PLEKHM1: variants seen among roughly 807,000 people sequenced by gnomAD.
PLEKHM1 encodes the protein pleckstrin homology and RUN domain containing M1, also known as pleckstrin homology domain-containing family M member 1.
PLEKHM1 carries 28 observed loss-of-function variants against 94.3 expected under a neutral mutation model. The ratio of observed to expected loss-of-function variants is 0.30; its 90% CI spans 0.22 to 0.41. The LOEUF (loss-of-function observed/expected upper bound fraction) is 0.41, where lower values mean the gene tolerates loss of function less well. PLEKHM1 is among the 10% of genes least tolerant of loss of function. PLEKHM1 has a pLI of 1.00. For synonymous variants in PLEKHM1, 424 were observed against 581.2 expected (o/e 0.73, Z 3.89); for missense variants, 907 against 1,358.6 (o/e 0.67, Z 5.22).
At position 45,453,750 on chromosome 17, in the gene PLEKHM1, T is replaced by A. The variant is rs372997534; in HGVS notation, c.2102A>T (p.Tyr701Phe). 3 of 1,613,820 alleles carry A rather than the reference T, an allele frequency of 1.9e-6. No individual in the cohort carries two copies. The African/African-American group carries it at 4.0e-5, about 22-fold the overall frequency. ...AGCCTCCAAGGACAGAGAAAATATA[T>A]AGGGCATCCAGGTCCTGTCCATGTA... ...YLYMDRTWMP[Y>F]IFSLSLEALK... The change falls in exon 7 of 12, where the codon TAT (tyrosine) becomes TTT (phenylalanine). Residue 701 changes from tyrosine (Y) to phenylalanine (F), a missense_variant. Tyr to Phe is a conservative substitution (Grantham distance 22, BLOSUM62 3). This residue lies in a region of PLEKHM1 where 477 missense variants were observed against 601.5 expected (regional missense o/e 0.79). Transcript: ENST00000430334. The surrounding 1 kb of genome is among the most constrained non-coding windows in gnomAD (Gnocchi z 4.1).
intron 7 of PLEKHM1, among the ~76,000 whole-genome samples, chr17:45,452,533 T>C (rs1342079845): frequency 6.6e-6 from 1 of 151,752 alleles, no homozygotes; most frequent in East Asian, 1.9e-4. Flanking sequence ...GTGCTTCAGT[T>C]TCCTCCCCTA....
At chr17:45,463,790 C>T (rs560782993) in intron 5 of PLEKHM1, 4 of 152,364 alleles carry the variant, frequency 2.6e-5, no homozygotes, top group African/African-American at 9.6e-5. Context: ...GAGAAACCAT[C>T]ATCGACGAAG....
intron 1 of PLEKHM1, among the ~76,000 whole-genome samples, chr17:45,489,971 C>G (rs1879586): frequency 0.12 from 18,288 of 151,642 alleles, 1,535 homozygotes; most frequent in Middle Eastern, 0.22. Context: ...TAGGGATGGG[C>G]TGTCCTCAGT....
At chr17:45,481,760 A>AAG (rs2051960502) in intron 2 of PLEKHM1, among the ~76,000 whole-genome samples, 1 of 151,696 alleles carries the variant, frequency 6.6e-6, no homozygotes, top group Non-Finnish European at 1.5e-5. Context: ...GGACGGGGAA[A>AAG]GGCACGTCTC....
At chr17:45,457,354 G>A (rs1367056368) in intron 6 of PLEKHM1, among the ~76,000 whole-genome samples, 3 of 151,844 alleles carry the variant, frequency 2.0e-5, no homozygotes, top group Admixed American at 2.0e-4. Context: ...ACCGGAGGTC[G>A]GGAGTTGGAG....
intron 6 of PLEKHM1, among the ~76,000 whole-genome samples, chr17:45,456,068 C>T (rs2050937607): frequency 6.6e-6 from 1 of 152,122 alleles, no homozygotes; most frequent in Non-Finnish European, 1.5e-5. Flanking sequence ...ACGTACATTG[C>T]CTCATGACTC....
chr17:45,477,550 T>C, intron 3 of PLEKHM1: 1 of 381,834 alleles, frequency 2.6e-6, no homozygotes, highest in Non-Finnish European at 5.0e-6. Context: ...CTTCAGGCTT[T>C]GCAGGCCACA....
intron 4 of PLEKHM1, among the ~76,000 whole-genome samples, chr17:45,471,548 A>G (rs544774185): frequency 4.6e-5 from 7 of 151,852 alleles, no homozygotes; most frequent in African/African-American, 1.5e-4. Flanking sequence ...GGATCACCTG[A>G]GGTCAGGAGT....
chr17:45,439,854 G>A (rs2050387561), intron 10 of PLEKHM1, among the ~76,000 whole-genome samples: 1 of 152,326 alleles, frequency 6.6e-6, no homozygotes, highest in South Asian at 2.1e-4. Flanking sequence ...AGGTCACTGG[G>A]GGCTAATGGG....
chr17:45,440,441 T>C (rs1028085744), intron 9 of PLEKHM1: 2 of 618,572 alleles, frequency 3.2e-6, no homozygotes, highest in Non-Finnish European at 5.8e-6. Context: ...TTACTTAACC[T>C]CTCTGAACCT....
At position 45,444,535 on chromosome 17, in the gene PLEKHM1, G is replaced by T. The variant is rs2050542319; in HGVS notation, c.2837+935C>A. 6.6e-6 allele frequency among the ~76,000 whole-genome samples: 1 copy of T among 152,200 alleles called. No individual in the cohort carries two copies. On this transcript the variant is annotated intron_variant, in intron 9 of 11. Transcript: ENST00000430334. This position sits in a 1 kb window ranked among gnomAD's most constrained non-coding sequence, Gnocchi z 5.0. ...TTCTTTGGAGAATTTCAGGAGGGAG[G>T]CTGGCATGGGCCAGACGACTGGCTG...
At chr17:45,458,629 C>A (rs1369273450) in intron 5 of PLEKHM1, among the ~76,000 whole-genome samples, 190 bp from the exon 6 acceptor site, 1 of 152,050 alleles carries the variant, frequency 6.6e-6, no homozygotes, top group Non-Finnish European at 1.5e-5. Flanking sequence ...CACCACCATG[C>A]CCAGCTAATT....
chr17:45,488,016 G>A (rs1335522960), intron 1 of PLEKHM1, among the ~76,000 whole-genome samples: 1 of 152,262 alleles, frequency 6.6e-6, no homozygotes, highest in Non-Finnish European at 1.5e-5. Context: ...TGAGGAAACT[G>A]CACCTCTGTC....
intron 4 of PLEKHM1, among the ~76,000 whole-genome samples, chr17:45,472,009 T>C (rs533910879): frequency 3.3e-5 from 5 of 152,340 alleles, no homozygotes; most frequent in African/African-American, 1.2e-4. Context: ...TATTAATAAA[T>C]TTCATTTTGA....
chr17:45,478,130 C>T lies in PLEKHM1; in HGVS notation c.66G>A (p.Leu22=), dbSNP rs539427179. The T allele has an allele frequency of 1.9e-6, 3 of 1,614,220 alleles. No homozygotes were observed. Among genetic ancestry groups the T allele is most frequent in the Non-Finnish European group, 2.5e-6 (3 of 1,180,052 alleles). The part of the protein sequence containing the change: ...QAAIPVIKKK[L]VGSVKALQKQ... ...TCTGCAAGGCCTTCACGGATCCCACCAGCTTCTTCTTGATGACCTAGGCAG... is the reference window on the plus strand; with the variant it reads ...TCTGCAAGGCCTTCACGGATCCCACTAGCTTCTTCTTGATGACCTAGGCAG... The change falls in exon 3 of 12, where the codon CTG becomes CTA. Residue 22 remains leucine (L), a synonymous_variant. Coordinates refer to ENST00000430334, the MANE Select transcript of PLEKHM1 (RefSeq NM_014798.3).
At chr17:45,477,578 A>G in intron 3 of PLEKHM1, 2 of 421,642 alleles carry the variant, frequency 4.7e-6, no homozygotes, top group East Asian at 1.1e-4. Flanking sequence ...TGTTGTAACT[A>G]TGTAACTCTG....
chr17:45,439,354 C>G (rs1380589481), intron 11 of PLEKHM1, 123 bp downstream of exon 11: 19 of 1,142,352 alleles, frequency 1.7e-5, no homozygotes, highest in Admixed American at 1.9e-5. Context: ...TGGCACAGCA[C>G]AAAGTGGATG....
chr17:45,479,026 C>T (rs148019655), intron 2 of PLEKHM1, among the ~76,000 whole-genome samples: 12 of 136,792 alleles, frequency 8.8e-5, no homozygotes, highest in African/African-American at 1.9e-4. Context: ...CTTTTTTTTT[C>T]TTTTTTTTTT....
In PLEKHM1 at chr17:45,480,288, G is replaced by C. The variant is rs554106253; in HGVS notation, c.49-2141C>G. ...ACCTGAGGTCAGGAGTTCGAGACCA[G>C]CCTGGCCAACATGGTGAAACCCCCA... On this transcript the variant is annotated intron_variant, in intron 2 of 11. Coordinates refer to ENST00000430334, the MANE Select transcript of PLEKHM1 (RefSeq NM_014798.3). Among the ~76,000 whole-genome samples the C allele has an allele frequency of 2.6e-5, 4 of 152,254 alleles. No homozygotes were observed. In the East Asian group the frequency reaches 7.7e-4, roughly 29 times the overall value.
Sources: gnomAD v4.1 joint callset for allele counts (sites outside exome capture counted in the v4.1 genomes callset) on GRCh38, gnomAD v4.1.1 for gene constraint, gnomAD v4.1.1 regional missense constraint, Gnocchi (gnomAD v3.1) non-coding constraint, MANE v1.5 for transcripts, NCBI Gene and HGNC (gene_info 2026-07-23, HGNC 2026-07-21) for gene names.